Variants in NOL10 observed in about 807,000 individuals in gnomAD.
NOL10 encodes nucleolar protein 10.
Under a neutral mutation model 103.5 loss-of-function variants are expected in NOL10, and 58 were observed. That is an observed-to-expected ratio of 0.56 (90% CI 0.45 to 0.70). The LOEUF (loss-of-function observed/expected upper bound fraction) is 0.70. Ranked by LOEUF, NOL10 falls within the 30% of genes least tolerant of loss-of-function variation. The probability of loss-of-function intolerance (pLI) is 0.00; values close to 1 mark genes in which losing one functional copy is unlikely to be tolerated. For missense variants in NOL10, 763 were observed against 807.3 expected, an observed-to-expected ratio of 0.95 and a Z score of 0.67; for synonymous variants, 287 against 282.5, an observed-to-expected ratio of 1.02 and a Z score of -0.16.
chr2:10,637,952 G>T (rs1379486627), intron 13 of NOL10, among the ~76,000 whole-genome samples: 1 of 152,060 alleles, frequency 6.6e-6, no homozygotes, highest in Non-Finnish European at 1.5e-5. Flanking sequence ...TATTTTAATA[G>T]AAATAATATA....
At chr2:10,603,778 G>GTT (rs1301922964) in intron 14 of NOL10, among the ~76,000 whole-genome samples, 1 of 152,116 alleles carries the variant, frequency 6.6e-6, no homozygotes, top group Non-Finnish European at 1.5e-5. Flanking sequence ...GTTTTAATAG[G>GTT]TTACACTTAG....
chr2:10,687,559 C>T (rs1248989985), intron 1 of NOL10, among the ~76,000 whole-genome samples: 1 of 152,208 alleles, frequency 6.6e-6, no homozygotes, highest in Admixed American at 6.5e-5. Flanking sequence ...TCCCAAATAA[C>T]GACAGTAAAT....
At chr2:10,631,820 T>C (rs985401506) in intron 13 of NOL10, among the ~76,000 whole-genome samples, 3 of 152,074 alleles carry the variant, frequency 2.0e-5, no homozygotes, top group Non-Finnish European at 2.9e-5. Context: ...GTTCAAGCGA[T>C]TCTCTTGCCT....
intron 5 of NOL10, among the ~76,000 whole-genome samples, chr2:10,672,393 T>G (rs941591738): frequency 6.6e-6 from 1 of 152,154 alleles, no homozygotes; most frequent in Admixed American, 6.5e-5. Flanking sequence ...ATAAACTCCT[T>G]GTATACATTT....
chr2:10,658,528 C>T (rs114547684), intron 10 of NOL10, among the ~76,000 whole-genome samples: 1,626 of 152,096 alleles, frequency 0.011, 22 homozygotes, highest in African/African-American at 0.036. Flanking sequence ...AATGCATGTT[C>T]TGCTGACCAC....
At chr2:10,684,536 C>T (rs573627020) in intron 2 of NOL10, 31 bp downstream of exon 2, 102 of 1,532,372 alleles carry the variant, frequency 6.7e-5, no homozygotes, top group South Asian at 4.9e-4. Flanking sequence ...GGATCACTAA[C>T]GCAGCTGAAG....
At chr2:10,638,295 AACGTAACGTGACGTG>A (rs1438709635) in intron 13 of NOL10, among the ~76,000 whole-genome samples, 5 of 96,954 alleles carry the variant, frequency 5.2e-5, no homozygotes, top group Admixed American at 1.8e-4. Context: ...ATTCAAAAAT[AACGTAACGTGACGTG>A]ACGTGACGTG....
chr2:10,622,190 A>G (rs1253903982), intron 13 of NOL10: 1 of 471,112 alleles, frequency 2.1e-6, no homozygotes, highest in East Asian at 7.0e-5. Context: ...ACAGGAAACT[A>G]TGTAAATAAA....
intron 17 of NOL10, among the ~76,000 whole-genome samples, chr2:10,600,151 GC>G (rs1453875030): frequency 6.6e-6 from 1 of 152,122 alleles, no homozygotes; most frequent in Non-Finnish European, 1.5e-5. Context: ...TTGGCTATCT[GC>G]CTGCCTCATC....
chr2:10,674,059 A>G (rs1260963994), intron 4 of NOL10, among the ~76,000 whole-genome samples: 2 of 150,960 alleles, frequency 1.3e-5, no homozygotes, highest in African/African-American at 4.9e-5. Context: ...AAAAAAAAAC[A>G]GAAAAAAAAT....
intron 6 of NOL10, among the ~76,000 whole-genome samples, chr2:10,670,392 T>C (rs995042132): frequency 3.3e-5 from 5 of 152,180 alleles, no homozygotes; most frequent in African/African-American, 7.2e-5. Context: ...TGTAAATAAA[T>C]TGCTAATACT....
chr2:10,654,265 G>T lies in NOL10; in HGVS notation c.973+216C>A, dbSNP rs77340499. On this transcript the variant is annotated intron_variant, in intron 12 of 20. Coordinates refer to ENST00000381685, the MANE Select transcript of NOL10 (RefSeq NM_024894.4). ...GGCTGAGCACTGAGTCATTAAGAGT[G>T]CCATTTTCTGAATCATCCACACCAC... 1.8e-3 allele frequency among the ~76,000 whole-genome samples: 281 copies of T among 152,270 alleles called. 11 individuals are homozygous for T. In the East Asian group the frequency reaches 0.051, roughly 28 times the overall value.
At chr2:10,622,966 A>C (rs1677233768) in intron 13 of NOL10, among the ~76,000 whole-genome samples, 1 of 151,306 alleles carries the variant, frequency 6.6e-6, no homozygotes, top group African/African-American at 2.4e-5. Flanking sequence ...ATCATCCATC[A>C]CTCCCCCACG....
Position 10,586,694 on chromosome 2 carries a change from C to T in NOL10, c.1844+2349G>A, listed in dbSNP as rs78262227. Among the ~76,000 whole-genome samples the T allele has an allele frequency of 5.2e-4, 79 of 152,234 alleles. 2 individuals are homozygous for T. In the East Asian group the frequency reaches 0.014, roughly 26 times the overall value. On this transcript the variant is annotated intron_variant, in intron 19 of 20. Transcript: ENST00000381685. ...TCTTCTTCCTCTTCAGACCACTCAA[C>T]ATGAAGACAACAAGGATGAAGACCT... is the stretch of plus-strand genomic sequence containing the variant.
chr2:10,594,794 C>T (rs1399933867), intron 17 of NOL10, among the ~76,000 whole-genome samples: 1 of 151,866 alleles, frequency 6.6e-6, no homozygotes, highest in Non-Finnish European at 1.5e-5. Flanking sequence ...AGTTGGAGAC[C>T]AGCCCGGACA....
intron 17 of NOL10, among the ~76,000 whole-genome samples, chr2:10,591,572 T>C (rs867362212): frequency 7.9e-5 from 12 of 151,538 alleles, no homozygotes; most frequent in Middle Eastern, 3.4e-3. Flanking sequence ...TTTGAAGATA[T>C]AAGGGGAAAC....
intron 13 of NOL10, among the ~76,000 whole-genome samples, chr2:10,610,404 T>C (rs1375738659): frequency 6.6e-6 from 1 of 152,222 alleles, no homozygotes; most frequent in Non-Finnish European, 1.5e-5. Flanking sequence ...ACAGGTCTAG[T>C]TATGGTAAAT....
At chr2:10,687,430 T>C (rs1009185407) in intron 1 of NOL10, among the ~76,000 whole-genome samples, 1 of 152,196 alleles carries the variant, frequency 6.6e-6, no homozygotes, top group Non-Finnish European at 1.5e-5. Context: ...CAGTGCCCAC[T>C]ACTCTTTCTT....
intron 13 of NOL10, among the ~76,000 whole-genome samples, 176 bp from the exon 14 acceptor site, chr2:10,607,487 A>G (rs369254858): frequency 6.6e-6 from 1 of 152,224 alleles, no homozygotes; most frequent in Non-Finnish European, 1.5e-5. Flanking sequence ...GAGAATAAAC[A>G]AAGTGGTAAA....
Sources: gnomAD v4.1 joint callset for allele counts (sites outside exome capture counted in the v4.1 genomes callset) on GRCh38, gnomAD v4.1.1 for gene constraint, MANE v1.5 for transcripts, NCBI Gene and HGNC (gene_info 2026-07-23, HGNC 2026-07-21) for gene names.